Variants in MSI2 observed in about 807,000 individuals in gnomAD.
The protein encoded by MSI2 is RNA-binding protein Musashi homolog 2.
Under a neutral mutation model 45.6 loss-of-function variants are expected in MSI2, and 17 were observed. The ratio of observed to expected loss-of-function variants is 0.37; its 90% CI spans 0.26 to 0.56. The LOEUF is 0.56. Among genes scored for constraint, MSI2 ranks in the 20% least tolerant of loss-of-function variants. The pLI is 0.77. For synonymous variants in MSI2, 156 were observed against 158.2 expected (o/e 0.99, Z 0.11); for missense variants, 293 against 444.2 (o/e 0.66, Z 3.06).
chr17:57,437,732 G>T (rs1431886647), intron 6 of MSI2, among the ~76,000 whole-genome samples: 2 of 152,194 alleles, frequency 1.3e-5, no homozygotes, highest in Non-Finnish European at 2.9e-5. Context: ...TCTATGCCCT[G>T]CATTCTGTGT....
chr17:57,555,765 T>C (rs2087420556), intron 7 of MSI2, among the ~76,000 whole-genome samples: 1 of 152,164 alleles, frequency 6.6e-6, no homozygotes, highest in Admixed American at 6.5e-5. Flanking sequence ...AGAGTGATGG[T>C]GTTTATCCTC....
Position 57,515,463 on chromosome 17 carries a change from C to T in MSI2, c.406-14213C>T, listed in dbSNP as rs189090639. 2.0e-3 allele frequency among the ~76,000 whole-genome samples: 308 copies of T among 152,248 alleles called. 5 individuals carry two copies. Among genetic ancestry groups the T allele is most frequent in the Non-Finnish European group, 2.6e-4 (18 of 68,020 alleles). On this transcript the variant is annotated intron_variant, in intron 6 of 13. Coordinates refer to ENST00000284073, the MANE Select transcript of MSI2 (RefSeq NM_138962.4). ...CAGGTGATCCATTTGCCTCGGCCTC[C>T]CAAAGTGCTGGGATTACAGGTGTGA...
chr17:57,403,946 C>G (rs2084038913), intron 6 of MSI2, among the ~76,000 whole-genome samples: 1 of 152,236 alleles, frequency 6.6e-6, no homozygotes, highest in South Asian at 2.1e-4. Flanking sequence ...CACACACACA[C>G]ACACACACAC....
chr17:57,256,905 G>A, intron 1 of MSI2, 101 bp downstream of exon 1: 2 of 598,646 alleles, frequency 3.3e-6, no homozygotes, highest in Non-Finnish European at 2.3e-6. Flanking sequence ...GCGCCCCCCC[G>A]CCTCTCCCGC....
At chr17:57,275,029 A>G (rs16958171) in intron 5 of MSI2, among the ~76,000 whole-genome samples, 4,198 of 152,338 alleles carry the variant, frequency 0.028, 74 homozygotes, top group Non-Finnish European at 0.035. Context: ...CGAACATGGG[A>G]AAGATACAAA....
intron 6 of MSI2, chr17:57,450,291 GAAA>G (rs1567830858): frequency 2.1e-5 from 3 of 139,796 alleles, no homozygotes; most frequent in Non-Finnish European, 4.8e-5. Context: ...AAGAAAGAAA[GAAA>G]GAAAGAAAGA....
At chr17:57,522,707 G>A (rs1172131615) in intron 6 of MSI2, 2 of 152,216 alleles carry the variant, frequency 1.3e-5, no homozygotes, top group Non-Finnish European at 2.9e-5. Flanking sequence ...GGATAGAGGA[G>A]GGAGGTGACT....
chr17:57,480,359 T>C (rs1334241419), intron 6 of MSI2, among the ~76,000 whole-genome samples: 1 of 152,224 alleles, frequency 6.6e-6, no homozygotes, highest in African/African-American at 2.4e-5. Context: ...GATATCAATG[T>C]AACCATTAAA....
chr17:57,642,705 T>C (rs1256529129), intron 10 of MSI2, among the ~76,000 whole-genome samples: 1 of 152,210 alleles, frequency 6.6e-6, no homozygotes, highest in African/African-American at 2.4e-5. Flanking sequence ...TGTTCACTGC[T>C]ATGATTCCAG....
intron 6 of MSI2, among the ~76,000 whole-genome samples, chr17:57,471,540 C>T (rs2143688945): frequency 6.6e-6 from 1 of 152,234 alleles, no homozygotes; most frequent in East Asian, 1.9e-4. Context: ...GCATCGTACT[C>T]ACAGGTGACC....
At position 57,508,954 on chromosome 17, in the gene MSI2, G is replaced by A. The variant is rs548082268; in HGVS notation, c.406-20722G>A. ...AGTCCTAAAGTACAGTGTCATCTTC[G>A]ATGAAAAATGGTTTCTGTGGTCCAA... On this transcript the variant is annotated intron_variant, in intron 6 of 13. Coordinates refer to ENST00000284073, the MANE Select transcript of MSI2 (RefSeq NM_138962.4). Among the ~76,000 whole-genome samples the A allele has an allele frequency of 2.6e-5, 4 of 152,242 alleles. No homozygotes were observed. The South Asian group carries it at 6.2e-4, about 24-fold the overall frequency.
At chr17:57,503,427 T>C (rs2086159275) in intron 6 of MSI2, among the ~76,000 whole-genome samples, 1 of 152,256 alleles carries the variant, frequency 6.6e-6, no homozygotes, top group African/African-American at 2.4e-5. Context: ...TTGTATTTTC[T>C]TCTCTTTGCT....
intron 5 of MSI2, among the ~76,000 whole-genome samples, chr17:57,330,788 TG>T (rs1392918723): frequency 6.6e-6 from 1 of 152,114 alleles, no homozygotes; most frequent in East Asian, 1.9e-4. Context: ...GCACCACAGC[TG>T]GGGTGGCACC....
At chr17:57,268,194 G>A (rs572297475) in intron 5 of MSI2, 1 of 152,162 alleles carries the variant, frequency 6.6e-6, no homozygotes. Context: ...AGCACCGACC[G>A]TTTGCCAGAT....
At chr17:57,339,029 CT>C (rs1170751094) in intron 5 of MSI2, among the ~76,000 whole-genome samples, 6 of 152,196 alleles carry the variant, frequency 3.9e-5, no homozygotes, top group African/African-American at 7.2e-5. Context: ...GGGGATCAGA[CT>C]TTTCTTTCTC....
chr17:57,595,210 A>G (rs1260573259), intron 7 of MSI2, among the ~76,000 whole-genome samples: 2 of 152,256 alleles, frequency 1.3e-5, no homozygotes, highest in East Asian at 3.9e-4. Context: ...AGGGACCCAA[A>G]ATAGACACAG....
chr17:57,474,750 G>A (rs1262482692), intron 6 of MSI2, among the ~76,000 whole-genome samples: 1 of 151,698 alleles, frequency 6.6e-6, no homozygotes, highest in Admixed American at 6.6e-5. Context: ...AGACAGTCTT[G>A]CTCTGTCTTC....
rs183526070 is a variant in MSI2 at position 57,344,613 on chromosome 17, A to C, written c.313-56766A>C. On this transcript the variant is annotated intron_variant, in intron 5 of 13. Transcript: ENST00000284073. The stretch of plus-strand genomic sequence containing the variant: ...ACTGGAGTGTCTTCGTCTCTAGGCC[A>C]TTTCAGTGGAGAGATATAGGAAACA... 2.0e-5 allele frequency among the ~76,000 whole-genome samples: 3 copies of C among 152,274 alleles called. No individual in the cohort carries two copies. The East Asian group carries it at 5.8e-4, about 29-fold the overall frequency.
At chr17:57,518,814 G>C (rs2086524492) in intron 6 of MSI2, among the ~76,000 whole-genome samples, 1 of 152,234 alleles carries the variant, frequency 6.6e-6, no homozygotes, top group Non-Finnish European at 1.5e-5. Context: ...TGGATTTCCA[G>C]AGCACAGCAG....
Sources: gnomAD v4.1 joint callset for allele counts (sites outside exome capture counted in the v4.1 genomes callset) on GRCh38, gnomAD v4.1.1 for gene constraint, MANE v1.5 for transcripts, NCBI Gene and HGNC (gene_info 2026-07-23, HGNC 2026-07-21) for gene names.